XYLT1: variants seen among roughly 807,000 people sequenced by gnomAD.
XYLT1 encodes beta-D-xylosyltransferase 1.
A neutral mutation model predicts 91.3 loss-of-function variants in XYLT1; 36 were observed. That is an observed-to-expected ratio of 0.39 (90% confidence interval 0.30 to 0.52). The LOEUF is 0.52. Among genes scored for constraint, XYLT1 ranks in the 20% least tolerant of loss-of-function variants. The pLI is 0.68. For missense variants in XYLT1, 1,242 were observed against 1,284.5 expected, an observed-to-expected ratio of 0.97 and a Z score of 0.51; for synonymous variants, 588 against 532.0, an observed-to-expected ratio of 1.11 and a Z score of -1.45.
intron 2 of XYLT1, among the ~76,000 whole-genome samples, chr16:17,273,610 G>A (rs1010435777): frequency 2.6e-5 from 4 of 152,104 alleles, no homozygotes; most frequent in Admixed American, 1.3e-4. Flanking sequence ...TTGGAAGTCC[G>A]AGGTGGGCAG....
rs559860583 is a variant in XYLT1 at position 17,320,848 on chromosome 16, A to G, written c.402+37164T>C. Among the ~76,000 whole-genome samples the G allele has an allele frequency of 2.1e-4, 29 of 135,336 alleles. No individual in the cohort carries two copies. The South Asian group carries it at 6.6e-3, about 31-fold the overall frequency. The allele number at this position is 135,336 out of a possible 152,430, so 88.8% of individuals were successfully genotyped here. On this transcript the variant is annotated intron_variant, in intron 2 of 11. Coordinates refer to ENST00000261381, the MANE Select transcript of XYLT1 (RefSeq NM_022166.4). ...TACCACGGAAATGAGGTTAATGATAATAGTTCCTGACTCATAGAATTGTTT... is the reference window on the plus strand; with the variant it reads ...TACCACGGAAATGAGGTTAATGATAGTAGTTCCTGACTCATAGAATTGTTT...
At chr16:17,271,678 T>C (rs1272874705) in intron 2 of XYLT1, among the ~76,000 whole-genome samples, 1 of 152,178 alleles carries the variant, frequency 6.6e-6, no homozygotes, top group Non-Finnish European at 1.5e-5. Context: ...TCATGTGCCC[T>C]TGTTACAACC....
intron 1 of XYLT1, among the ~76,000 whole-genome samples, chr16:17,381,360 TTTTA>T (rs1236314425): frequency 5.9e-5 from 9 of 152,030 alleles, no homozygotes; most frequent in Admixed American, 1.3e-4. Context: ...AGCTGGACAA[TTTTA>T]TTTATTTCAT....
intron 2 of XYLT1, among the ~76,000 whole-genome samples, chr16:17,298,126 G>A (rs73529314): frequency 0.011 from 1,643 of 152,190 alleles, 32 homozygotes; most frequent in African/African-American, 0.038. Context: ...GGTCTCACTT[G>A]CCAAAATTTT....
chr16:17,467,545 G>A (rs886402436), intron 1 of XYLT1, among the ~76,000 whole-genome samples: 7 of 152,206 alleles, frequency 4.6e-5, no homozygotes, highest in Admixed American at 2.0e-4. Flanking sequence ...AAGAGGCTGA[G>A]AGGAAAAGGA....
At chr16:17,224,399 G>T (rs576452097) in intron 3 of XYLT1, among the ~76,000 whole-genome samples, 3 of 152,268 alleles carry the variant, frequency 2.0e-5, no homozygotes, top group African/African-American at 7.2e-5. Flanking sequence ...CACCCTTTGG[G>T]GGCAAGAGCC....
intron 11 of XYLT1, among the ~76,000 whole-genome samples, chr16:17,113,554 C>T (rs1007501634): frequency 1.2e-4 from 19 of 152,072 alleles, no homozygotes; most frequent in Non-Finnish European, 2.1e-4. Flanking sequence ...ATCTCTCTCT[C>T]GCTCTGGCCT....
At chr16:17,285,801 T>C (rs1403094624) in intron 2 of XYLT1, among the ~76,000 whole-genome samples, 3 of 152,078 alleles carry the variant, frequency 2.0e-5, no homozygotes, top group Non-Finnish European at 4.4e-5. Context: ...CCCCTAAAAA[T>C]GTGTCCTTCT....
intron 1 of XYLT1, among the ~76,000 whole-genome samples, chr16:17,465,143 CAAAAAAAAAAAAA>C (rs35623153): frequency 1.7e-4 from 6 of 35,886 alleles, no homozygotes; most frequent in East Asian, 9.5e-4. Flanking sequence ...GATGCTGTCT[CAAAAAAAAAAAAA>C]AAAAAAAAAA....
intron 1 of XYLT1, among the ~76,000 whole-genome samples, chr16:17,398,342 C>T (rs1478342696): frequency 6.6e-6 from 1 of 152,120 alleles, no homozygotes; most frequent in Non-Finnish European, 1.5e-5. Flanking sequence ...GAGGGTGTTA[C>T]CTGTAAAGTA....
At chr16:17,446,487 G>A (rs1260211106) in intron 1 of XYLT1, 2 of 152,080 alleles carry the variant, frequency 1.3e-5, no homozygotes, top group Non-Finnish European at 2.9e-5. Flanking sequence ...GTGAATCCAG[G>A]ATTCAAACCC....
chr16:17,219,445 C>T (rs2032923854), intron 3 of XYLT1, among the ~76,000 whole-genome samples: 2 of 152,028 alleles, frequency 1.3e-5, no homozygotes, highest in Admixed American at 6.6e-5. Context: ...TGTCTTTTAC[C>T]ATTACAGCAT....
chr16:17,366,276 C>T (rs963609616), intron 1 of XYLT1, among the ~76,000 whole-genome samples: 2 of 152,102 alleles, frequency 1.3e-5, no homozygotes, highest in African/African-American at 2.4e-5. Flanking sequence ...AATTTATCAC[C>T]CCCATATTAA....
At chr16:17,401,164 T>C (rs1012071550) in intron 1 of XYLT1, among the ~76,000 whole-genome samples, 4 of 152,180 alleles carry the variant, frequency 2.6e-5, no homozygotes, top group South Asian at 2.1e-4. Flanking sequence ...AGGGAGATGA[T>C]AGCACATAGG....
At chr16:17,226,151 T>C (rs2033062218) in intron 3 of XYLT1, among the ~76,000 whole-genome samples, 2 of 152,176 alleles carry the variant, frequency 1.3e-5, no homozygotes, top group Admixed American at 1.3e-4. Context: ...AGAAGGCATA[T>C]CTGGACCTAT....
intron 1 of XYLT1, among the ~76,000 whole-genome samples, chr16:17,411,917 C>T (rs146063750): frequency 4.2e-4 from 64 of 152,206 alleles, no homozygotes; most frequent in African/African-American, 1.3e-3. Flanking sequence ...ACTCACAATC[C>T]GGCTGCCCAT....
Position 17,141,201 on chromosome 16 carries a change from C to G in XYLT1, c.1539G>C (p.Leu513=). Residue 513 remains leucine (L), a synonymous_variant, in exon 7 of 12, where the codon CTG becomes CTC. Transcript: ENST00000261381. ...AGTAGAACTGTTTCATCTTGGTCAC[C>G]AGATCGTCTGTGGAGAAGGTCACAT... ...VEYVTFSTDD[L]VTKMKQFYSY... is the part of the protein sequence containing the mutation. The G allele has an allele frequency of 3.1e-6, 5 of 1,614,184 alleles. No individual in the cohort carries two copies. Among genetic ancestry groups the G allele is most frequent in the Non-Finnish European group, 4.2e-6 (5 of 1,180,022 alleles).
At chr16:17,433,552 C>T (rs1009124421) in intron 1 of XYLT1, among the ~76,000 whole-genome samples, 1 of 152,134 alleles carries the variant, frequency 6.6e-6, no homozygotes, top group Admixed American at 6.5e-5. Flanking sequence ...GCAGCCAGCT[C>T]AGGGTCAAAG....
rs758450754 is a variant in XYLT1 at position 17,200,626 on chromosome 16, G to T, written c.942C>A (p.Asp314Glu). 1 of 1,613,998 alleles carries T rather than the reference G, an allele frequency of 6.2e-7. No homozygotes were observed. The part of the protein sequence containing the change: ...EGKANKNVQW[D>E]EDSVEYMPAN... ...CTGGCATGTACTCCACGGAGTCCTC[G>T]TCCCACTGCACGTTCTTGTTGGCTT... is the stretch of plus-strand genomic sequence containing the variant. The change falls in exon 4 of 12, where the codon GAC becomes GAA. Residue 314 changes from aspartate (D) to glutamate (E), a missense_variant. Coordinates refer to ENST00000261381, the MANE Select transcript of XYLT1 (RefSeq NM_022166.4).
Sources: gnomAD v4.1 joint callset for allele counts (sites outside exome capture counted in the v4.1 genomes callset) on GRCh38, gnomAD v4.1.1 for gene constraint, MANE v1.5 for transcripts, NCBI Gene and HGNC (gene_info 2026-07-23, HGNC 2026-07-21) for gene names.